Variants in NUP107 observed in about 807,000 individuals in gnomAD.
NUP107 encodes nucleoporin 107.
NUP107 carries 101 observed loss-of-function variants against 141.0 expected under a neutral mutation model. The ratio of observed to expected loss-of-function variants is 0.72; its 90% CI spans 0.61 to 0.84. The LOEUF is 0.84. Ranked by LOEUF, NUP107 falls within the 40% of genes least tolerant of loss-of-function variation. NUP107 has a pLI of 0.00. For missense variants in NUP107, 941 were observed against 1,102.7 expected, an observed-to-expected ratio of 0.85 and a Z score of 2.08; for synonymous variants, 319 against 363.9, an observed-to-expected ratio of 0.88 and a Z score of 1.41.
intron 7 of NUP107, among the ~76,000 whole-genome samples, chr12:68,701,511 G>A (rs977248777): frequency 1.1e-4 from 16 of 151,988 alleles, no homozygotes; most frequent in Middle Eastern, 3.4e-3. Context: ...GTAGAACGCT[G>A]TCTCTACTAA....
intron 15 of NUP107, 41 bp downstream of exon 15, chr12:68,721,218 T>A: frequency 8.3e-7 from 1 of 1,209,846 alleles, no homozygotes; most frequent in Non-Finnish European, 1.2e-6. Flanking sequence ...TTCTGTGGAG[T>A]AAAATTAAAT....
intron 5 of NUP107, among the ~76,000 whole-genome samples, chr12:68,694,079 G>A (rs905306679): frequency 1.3e-5 from 2 of 152,208 alleles, no homozygotes; most frequent in African/African-American, 4.8e-5. Context: ...CTAGGAAGTA[G>A]TGGTACCAGG....
At position 68,743,981 on chromosome 12, in the gene NUP107, C is replaced by G. The variant is rs923968951; in HGVS notation, c.*1519C>G. On this transcript the variant is annotated 3_prime_UTR_variant, in exon 28 of 28. Coordinates refer to ENST00000229179, the MANE Select transcript of NUP107 (RefSeq NM_020401.4). ...AAATTCATACCAAAACAAATACAGACTAGATTTGGGGTGGGGAGGGGAAAT... is the reference window on the plus strand; with the variant it reads ...AAATTCATACCAAAACAAATACAGAGTAGATTTGGGGTGGGGAGGGGAAAT... The G allele has an allele frequency of 3.7e-4, 57 of 152,292 alleles. No individual in the cohort carries two copies. Among genetic ancestry groups the G allele is most frequent in the African/African-American group, 1.2e-3 (51 of 41,554 alleles). 9.4% of individuals were successfully genotyped at this position (152,292 alleles called of 1,614,324 possible). A position where few individuals can be genotyped will look rare whatever the true frequency, so the allele number is the denominator to read the frequency against.
At chr12:68,694,889 C>T (rs1242577879) in intron 5 of NUP107, among the ~76,000 whole-genome samples, 5 of 151,726 alleles carry the variant, frequency 3.3e-5, no homozygotes, top group Non-Finnish European at 4.4e-5. Context: ...GCAACAAGAG[C>T]GAAACTTCAT....
At position 68,731,200 on chromosome 12, in the gene NUP107, T is replaced by C. The variant is rs200672603; in HGVS notation, c.1825T>C (p.Leu609=). Residue 609 remains leucine, a synonymous_variant, in exon 21 of 28, where the codon TTG becomes CTG. Transcript: ENST00000229179. Reference sequence around the variant, plus strand: ...AGCTGTTGCCCAGTATGCATTATTTTTGGAAAGTGTTACAGAATTTGAACA... The same window carrying C: ...AGCTGTTGCCCAGTATGCATTATTTCTGGAAAGTGTTACAGAATTTGAACA... The part of the protein sequence containing the change: ...DLAVAQYALF[L]ESVTEFEQRH... 6.2e-7 allele frequency: 1 copy of C among 1,612,934 alleles called. No homozygotes were observed. The highest frequency in any genetic ancestry group is 1.3e-5 in the African/African-American group (1 of 75,044).
chr12:68,699,371 G>T (rs933485939), intron 6 of NUP107, among the ~76,000 whole-genome samples: 2 of 151,888 alleles, frequency 1.3e-5, no homozygotes, highest in East Asian at 3.9e-4. Flanking sequence ...AGACTCCTCC[G>T]TCTCAAAATA....
intron 10 of NUP107, among the ~76,000 whole-genome samples, chr12:68,712,816 T>C (rs1253287882): frequency 1.3e-5 from 2 of 152,102 alleles, no homozygotes; most frequent in Admixed American, 1.3e-4. Context: ...GGGAATGGAA[T>C]GCCTTTTTTA....
intron 4 of NUP107, 75 bp from the exon 5 acceptor site, chr12:68,691,893 T>G: frequency 7.9e-7 from 1 of 1,265,064 alleles, no homozygotes; most frequent in Non-Finnish European, 1.1e-6. Context: ...AAACCTTATT[T>G]GTTTTTAAAG....
chr12:68,738,170 G>A (rs1433198098), intron 26 of NUP107, among the ~76,000 whole-genome samples: 1 of 152,170 alleles, frequency 6.6e-6, no homozygotes. Flanking sequence ...CAGCTACTTG[G>A]GAGGCTGAGG....
chr12:68,738,123 A>T (rs989540630), intron 26 of NUP107, among the ~76,000 whole-genome samples: 3 of 152,148 alleles, frequency 2.0e-5, no homozygotes, highest in Non-Finnish European at 4.4e-5. Context: ...AAAAATACAG[A>T]AAACTAGCCA....
At chr12:68,718,175 A>T (rs767590488) in intron 12 of NUP107, among the ~76,000 whole-genome samples, 8 of 152,198 alleles carry the variant, frequency 5.3e-5, no homozygotes, top group Non-Finnish European at 8.8e-5. Flanking sequence ...AGAGATGGAT[A>T]CAAGAAGCTC....
chr12:68,719,692 C>T (rs748830121), intron 14 of NUP107, 38 bp downstream of exon 14: 5 of 1,409,736 alleles, frequency 3.5e-6, no homozygotes, highest in Admixed American at 1.7e-5. Flanking sequence ...CTGTTTTTAA[C>T]TCCAATTAAT....
intron 8 of NUP107, chr12:68,706,873 C>T (rs541210899): frequency 1.3e-5 from 10 of 754,830 alleles, no homozygotes; most frequent in Admixed American, 3.5e-5. Flanking sequence ...AGACCACCAG[C>T]GGCTATTCAG....
At chr12:68,697,960 G>A (rs887961514) in intron 6 of NUP107, among the ~76,000 whole-genome samples, 3 of 151,206 alleles carry the variant, frequency 2.0e-5, no homozygotes, top group Non-Finnish European at 2.9e-5. Flanking sequence ...CCTGGGAGGC[G>A]GAAGTTGCAG....
At chr12:68,742,313 C>G in intron 27 of NUP107, 42 bp from the exon 28 acceptor site, 1 of 1,282,788 alleles carries the variant, frequency 7.8e-7, no homozygotes, top group Non-Finnish European at 1.1e-6. Context: ...TACTTGTCTA[C>G]TTGTCTTTGT....
chr12:68,737,106 G>C (rs923911420), intron 26 of NUP107, among the ~76,000 whole-genome samples: 2 of 152,142 alleles, frequency 1.3e-5, no homozygotes, highest in East Asian at 3.9e-4. Flanking sequence ...GATTCATGCT[G>C]ATTCTCTTGA....
chr12:68,718,624 G>A (rs1461603309), intron 12 of NUP107, among the ~76,000 whole-genome samples: 1 of 151,946 alleles, frequency 6.6e-6, no homozygotes, highest in Non-Finnish European at 1.5e-5. Flanking sequence ...AAACAGAAAA[G>A]GGATTTTTTA....
At chr12:68,722,337 C>A (rs1012365696) in intron 17 of NUP107, among the ~76,000 whole-genome samples, 185 bp downstream of exon 17, 2 of 151,836 alleles carry the variant, frequency 1.3e-5, no homozygotes, top group African/African-American at 4.8e-5. Flanking sequence ...TTTTTTGTTT[C>A]GGATTAATTT....
chr12:68,733,319 C>A, intron 23 of NUP107, 133 bp from the exon 24 acceptor site: 2 of 685,246 alleles, frequency 2.9e-6, no homozygotes, highest in Non-Finnish European at 4.7e-6. Flanking sequence ...ATCACCAAGA[C>A]CTTTAACAGA....
Sources: allele counts gnomAD v4.1 joint callset (sites outside exome capture counted in the v4.1 genomes callset), GRCh38; gene constraint gnomAD v4.1.1; transcripts MANE v1.5; gene names NCBI Gene and HGNC (gene_info 2026-07-23, HGNC 2026-07-21).